Variants in MYO1D observed in about 807,000 individuals in gnomAD.
MYO1D encodes myosin ID.
MYO1D carries 83 observed loss-of-function variants against 122.0 expected under a neutral mutation model. That is an observed-to-expected ratio of 0.68 (90% confidence interval 0.57 to 0.82). MYO1D has a LOEUF of 0.82. MYO1D is among the 40% of genes least tolerant of loss of function. The pLI, the probability that MYO1D is intolerant of heterozygous loss-of-function variation, is 0.00. For synonymous variants in MYO1D, 464 were observed against 446.9 expected (o/e 1.04, Z -0.48); for missense variants, 1,157 against 1,269.5 (o/e 0.91, Z 1.35).
At chr17:32,714,864 G>C (rs1418043566) in intron 15 of MYO1D, among the ~76,000 whole-genome samples, 5 of 152,068 alleles carry the variant, frequency 3.3e-5, no homozygotes, top group African/African-American at 1.2e-4. Flanking sequence ...TATCATCAGA[G>C]TGAACAGACA....
intron 21 of MYO1D, among the ~76,000 whole-genome samples, chr17:32,544,572 G>A (rs1446172826): frequency 6.6e-6 from 1 of 152,212 alleles, no homozygotes; most frequent in Non-Finnish European, 1.5e-5. Context: ...GGTACTCTTA[G>A]AGAATACTAG....
Position 32,843,193 on chromosome 17 carries a change from G to A in MYO1D, c.95+33585C>T, listed in dbSNP as rs1304382645. 3.3e-5 allele frequency among the ~76,000 whole-genome samples: 5 copies of A among 152,156 alleles called. No homozygotes were observed. The East Asian group carries it at 7.7e-4, about 23-fold the overall frequency. On this transcript the variant is annotated intron_variant, in intron 1 of 21. Transcript: ENST00000318217. ...GCATGAGCCACCATGCCCAGTCTACGTCTATTTCTCTTTAAGGACAGGAAT... is the reference window on the plus strand; with the variant it reads ...GCATGAGCCACCATGCCCAGTCTACATCTATTTCTCTTTAAGGACAGGAAT...
chr17:32,820,202 G>A (rs1408953697), intron 1 of MYO1D, among the ~76,000 whole-genome samples: 1 of 152,162 alleles, frequency 6.6e-6, no homozygotes. Context: ...ATGGAAAACA[G>A]TATGTAGGTT....
chr17:32,746,854 T>C (rs2089843242), intron 12 of MYO1D, among the ~76,000 whole-genome samples: 1 of 152,234 alleles, frequency 6.6e-6, no homozygotes, highest in Non-Finnish European at 1.5e-5. Context: ...AAATTTGCTA[T>C]GTGGCATTGC....
At chr17:32,672,083 G>A (rs1233653950) in intron 16 of MYO1D, among the ~76,000 whole-genome samples, 10 of 152,202 alleles carry the variant, frequency 6.6e-5, no homozygotes, top group African/African-American at 2.2e-4. Context: ...GGAAGGGAAG[G>A]GAGTGAGTGC....
chr17:32,666,805 C>T (rs1264495377), intron 16 of MYO1D, among the ~76,000 whole-genome samples: 1 of 152,208 alleles, frequency 6.6e-6, no homozygotes, highest in African/African-American at 2.4e-5. Context: ...CTCCCTGGTA[C>T]TCTGAATTAG....
intron 21 of MYO1D, among the ~76,000 whole-genome samples, chr17:32,601,708 G>A (rs2087564624): frequency 6.6e-6 from 1 of 152,188 alleles, no homozygotes; most frequent in South Asian, 2.1e-4. Context: ...GTGAGCATAT[G>A]CTGTAGGAAA....
chr17:32,811,751 G>A (rs2090574629), intron 1 of MYO1D, among the ~76,000 whole-genome samples: 3 of 149,724 alleles, frequency 2.0e-5, no homozygotes, highest in African/African-American at 7.3e-5. Context: ...GTTAGTCTAA[G>A]GTAAAGCTGG....
chr17:32,824,624 G>C (rs1419217557), intron 1 of MYO1D, among the ~76,000 whole-genome samples: 3 of 152,216 alleles, frequency 2.0e-5, no homozygotes, highest in African/African-American at 7.2e-5. Context: ...GAAGAAGACT[G>C]CATTACTGTC....
At chr17:32,839,172 AG>A (rs1346093795) in intron 1 of MYO1D, among the ~76,000 whole-genome samples, 2 of 152,226 alleles carry the variant, frequency 1.3e-5, no homozygotes, top group African/African-American at 2.4e-5. Flanking sequence ...GGAAAGCAAA[AG>A]CAAAAAGGAC....
chr17:32,745,547 T>C (rs192748086), intron 12 of MYO1D: 13 of 320,666 alleles, frequency 4.1e-5, no homozygotes, highest in East Asian at 3.7e-4. Flanking sequence ...TTTTAAAAGA[T>C]AGCTGTATTT....
chr17:32,609,375 G>A (rs1241223657), intron 20 of MYO1D, among the ~76,000 whole-genome samples: 1 of 152,216 alleles, frequency 6.6e-6, no homozygotes, highest in East Asian at 1.9e-4. Context: ...ACGGCCTGTG[G>A]TAGGGACAGA....
At chr17:32,546,313 A>C (rs2086964427) in intron 21 of MYO1D, among the ~76,000 whole-genome samples, 1 of 152,226 alleles carries the variant, frequency 6.6e-6, no homozygotes, top group South Asian at 2.1e-4. Flanking sequence ...GAAGTCATTC[A>C]GATGCTGATG....
rs113448508 is a variant in MYO1D, at chr17:32,527,208, G to C, written c.2865-32293C>G. Among the ~76,000 whole-genome samples the C allele has an allele frequency of 3.2e-4, 48 of 152,334 alleles. 1 individual carries two copies. The highest frequency in any genetic ancestry group is 9.6e-4 in the African/African-American group (40 of 41,574). On this transcript the variant is annotated intron_variant, in intron 21 of 21. Coordinates refer to ENST00000318217, the MANE Select transcript of MYO1D (RefSeq NM_015194.3). ...CTTTCTGCTTTAAAAATGGCCACAT[G>C]AACAAGGTCACCATCCAGAGAGGGG...
chr17:32,525,829 A>T (rs1360027950), intron 21 of MYO1D, among the ~76,000 whole-genome samples: 1 of 152,134 alleles, frequency 6.6e-6, no homozygotes, highest in Admixed American at 6.5e-5. Context: ...GCTAACATGG[A>T]GGAGAGGCAG....
intron 21 of MYO1D, among the ~76,000 whole-genome samples, chr17:32,516,827 C>T (rs1567873775): frequency 1.3e-5 from 2 of 152,226 alleles, no homozygotes; most frequent in African/African-American, 4.8e-5. Flanking sequence ...CTGCTACTTG[C>T]TACACCATTT....
intron 1 of MYO1D, among the ~76,000 whole-genome samples, chr17:32,866,170 T>C (rs1363286672): frequency 6.6e-6 from 1 of 152,104 alleles, no homozygotes; most frequent in African/African-American, 2.4e-5. Context: ...GCATGGGTCA[T>C]TGCACCTGGC....
chr17:32,562,759 T>C (rs673452), intron 21 of MYO1D, among the ~76,000 whole-genome samples: 98,351 of 152,184 alleles, frequency 0.65, 32,809 homozygotes, highest in African/African-American at 0.82. Context: ...TGCGCCACCA[T>C]GCCCGGACAG....
chr17:32,776,701 A>G (rs1039904458), intron 3 of MYO1D, among the ~76,000 whole-genome samples: 3 of 152,192 alleles, frequency 2.0e-5, no homozygotes, highest in Non-Finnish European at 4.4e-5. Flanking sequence ...CATAAATTTA[A>G]TCTTCACTAG....
Sources: gnomAD v4.1 joint callset for allele counts (sites outside exome capture counted in the v4.1 genomes callset) on GRCh38, gnomAD v4.1.1 for gene constraint, MANE v1.5 for transcripts, NCBI Gene and HGNC (gene_info 2026-07-23, HGNC 2026-07-21) for gene names.